The following P2RX7 variants were observed in gnomAD, a reference collection of about 807,000 sequenced individuals.
P2RX7 encodes P2X purinoceptor 7.
P2RX7 carries 62 observed loss-of-function variants against 71.6 expected under a neutral mutation model. The ratio of observed to expected loss-of-function variants is 0.87; its 90% CI spans 0.71 to 1.07. P2RX7 has a LOEUF of 1.07. Ranked by LOEUF, P2RX7 falls within the 50% of genes least tolerant of loss-of-function variation. The pLI, the probability that P2RX7 is intolerant of heterozygous loss-of-function variation, is 0.00. For synonymous variants in P2RX7, 299 were observed against 283.3 expected (o/e 1.06, Z -0.56); for missense variants, 686 against 748.5 (o/e 0.92, Z 0.97).
chr12:121,146,301 T>C (rs937923040), intron 1 of P2RX7, among the ~76,000 whole-genome samples: 7 of 137,670 alleles, frequency 5.1e-5, no homozygotes, highest in Admixed American at 5.1e-4. Context: ...TTTTTTTTTT[T>C]TTTTTTTTTT....
chr12:121,166,271 G>A, intron 7 of P2RX7, 84 bp downstream of exon 7: 10 of 1,433,786 alleles, frequency 7.0e-6, no homozygotes, highest in South Asian at 2.6e-5. Flanking sequence ...CGGGCCACTG[G>A]GTCTTCATAA....
rs920718222 is a variant in P2RX7 at position 121,177,575 on chromosome 12, G to C, written c.1188+129G>C. The stretch of plus-strand genomic sequence containing the variant: ...TGGATACGTCGCTGGGTTCTACCCC[G>C]ATCAACCAACTCTCAGATAAATTTT... On this transcript the variant is annotated intron_variant, in intron 11 of 12. Coordinates refer to ENST00000328963, the MANE Select transcript of P2RX7 (RefSeq NM_002562.6). The C allele has an allele frequency of 2.1e-5, 18 of 840,002 alleles. No individual in the cohort carries two copies. In the Admixed American group the frequency reaches 4.9e-4, roughly 23 times the overall value. The allele number at this position is 840,002 out of a possible 1,614,324, so 52.0% of individuals were successfully genotyped here.
In P2RX7 at chr12:121,154,751, C is replaced by A; in HGVS notation, c.126-34C>A. 1 of 1,448,378 alleles carries A rather than the reference C, an allele frequency of 6.9e-7. No homozygotes were observed. Among genetic ancestry groups the A allele is most frequent in the Non-Finnish European group, 9.7e-7 (1 of 1,028,714 alleles). The allele number at this position is 1,448,378 out of a possible 1,614,324, so 89.7% of individuals were successfully genotyped here. A position where few individuals can be genotyped will look rare whatever the true frequency, so the allele number is the denominator to read the frequency against. On this transcript the variant is annotated intron_variant, in intron 1 of 12. Coordinates refer to ENST00000328963, the MANE Select transcript of P2RX7 (RefSeq NM_002562.6). This position sits in a 1 kb window ranked among gnomAD's most constrained non-coding sequence, Gnocchi z 4.2. ...TGCATCCCAACCCGCTGTGCTATGC[C>A]TCCCGTTGATGCTTTCCCATGTCTG...
chr12:121,181,323 T>G (rs1012721842), intron 12 of P2RX7, among the ~76,000 whole-genome samples: 1 of 152,194 alleles, frequency 6.6e-6, no homozygotes, highest in Non-Finnish European at 1.5e-5. Context: ...GACATTTGGG[T>G]AGTGTCCAGT....
intron 8 of P2RX7, among the ~76,000 whole-genome samples, chr12:121,170,218 G>A (rs992792234): frequency 3.9e-5 from 6 of 152,296 alleles, no homozygotes; most frequent in South Asian, 2.1e-4. Flanking sequence ...ATTAAGAAGA[G>A]AGGACAGGAT....
At position 121,149,453 on chromosome 12, in the gene P2RX7, G is replaced by T. The variant is rs775003017; in HGVS notation, c.126-5332G>T. Among the ~76,000 whole-genome samples the T allele has an allele frequency of 1.3e-5, 2 of 152,272 alleles. No homozygotes were observed. The highest frequency in any genetic ancestry group is 2.9e-5 in the Non-Finnish European group (2 of 68,014). ...TCACAATCATGGCAGAGGGCGAAAG[G>T]CATGTCTTACATGGTGGCAGGCAAA... is the stretch of plus-strand genomic sequence containing the variant. On this transcript the variant is annotated intron_variant, in intron 1 of 12. Transcript: ENST00000328963. This position sits in a 1 kb window ranked among gnomAD's most constrained non-coding sequence, Gnocchi z 4.7.
chr12:121,155,053 G>T, intron 2 of P2RX7, 100 bp downstream of exon 2: 1 of 1,537,768 alleles, frequency 6.5e-7, no homozygotes, highest in Non-Finnish European at 8.8e-7. Context: ...CAGAAAAAAC[G>T]CTGGTCCTAT....
intron 12 of P2RX7, among the ~76,000 whole-genome samples, chr12:121,184,092 A>T (rs982104754): frequency 1.3e-5 from 2 of 152,104 alleles, no homozygotes. Context: ...CTGTAAAATA[A>T]AGACAAGGAT....
In P2RX7 at chr12:121,167,618, A is replaced by G; in HGVS notation, c.875A>G (p.Asn292Ser). 6.3e-7 allele frequency: 1 copy of G among 1,576,876 alleles called. No individual in the cohort carries two copies. The highest frequency in any genetic ancestry group is 2.3e-5 in the East Asian group (1 of 43,072). ...AACGTGTCCTTGTACCCTGGCTACA[A>G]CTTCAGGTAACTCCAAGGCCCAGGT... ...TTNVSLYPGY[N>S]FRYAKYYKEN... Residue 292 changes from asparagine to serine, a missense_variant, in exon 8 of 13, where the codon AAC becomes AGC. By Grantham distance (46) the Asn-to-Ser change is conservative. Coordinates refer to ENST00000328963, the MANE Select transcript of P2RX7 (RefSeq NM_002562.6).
chr12:121,146,816 C>T (rs1250774736), intron 1 of P2RX7, among the ~76,000 whole-genome samples: 1 of 152,190 alleles, frequency 6.6e-6, no homozygotes, highest in Non-Finnish European at 1.5e-5. Context: ...AGGAGCACAG[C>T]CTGAGTGCAT....
At chr12:121,137,222 G>A (rs953722081) in intron 1 of P2RX7, among the ~76,000 whole-genome samples, 25 of 152,118 alleles carry the variant, frequency 1.6e-4, no homozygotes, top group African/African-American at 5.6e-4. Context: ...CTGTTCCCAC[G>A]TGCTTTTTAG....
intron 11 of P2RX7, among the ~76,000 whole-genome samples, chr12:121,178,625 C>G (rs1419022643): frequency 2.6e-5 from 4 of 151,976 alleles, no homozygotes; most frequent in African/African-American, 9.7e-5. Flanking sequence ...AACCCCATCT[C>G]TACTAAAAAT....
At chr12:121,168,196 C>T (rs1881499017) in intron 8 of P2RX7, among the ~76,000 whole-genome samples, 1 of 152,072 alleles carries the variant, frequency 6.6e-6, no homozygotes, top group African/African-American at 2.4e-5. Flanking sequence ...GTAACCATCA[C>T]ATTAATGATC....
intron 3 of P2RX7, among the ~76,000 whole-genome samples, chr12:121,158,027 CTT>C (rs1040797648): frequency 6.6e-6 from 1 of 152,146 alleles, no homozygotes; most frequent in Admixed American, 6.6e-5. Flanking sequence ...ACATGTGACT[CTT>C]TGGGATTTTA....
intron 5 of P2RX7, among the ~76,000 whole-genome samples, chr12:121,163,356 A>G (rs76364995): frequency 0.25 from 22,729 of 90,776 alleles, 1,722 homozygotes; most frequent in Non-Finnish European, 0.28. Flanking sequence ...ACACACACAC[A>G]CGCACACACA....
At chr12:121,139,237 C>T (rs1019544387) in intron 1 of P2RX7, among the ~76,000 whole-genome samples, 2 of 152,176 alleles carry the variant, frequency 1.3e-5, no homozygotes, top group African/African-American at 2.4e-5. Context: ...CCACCGCACC[C>T]GGCTGGATAA....
rs1352106751 is a variant in P2RX7, at chr12:121,162,445, T to C, written c.458T>C (p.Val153Ala). The change falls in exon 5 of 13, where the codon GTA (valine) becomes GCA (alanine). Residue 153 changes from valine to alanine, a missense_variant. Physicochemically the swap from Val to Ala is moderately conservative, Grantham distance 64 (BLOSUM62 0). Transcript: ENST00000328963. ...ATAGGAATTCAGACCGGAAGGTGTG[T>C]AGTGTATGAAGGGAACCAGAAGACC... ...QSKGIQTGRC[V>A]VYEGNQKTCE... 19 of 1,613,866 alleles carry C rather than the reference T, an allele frequency of 1.2e-5. No individual in the cohort carries two copies. Among genetic ancestry groups the C allele is most frequent in the Non-Finnish European group, 1.5e-5 (18 of 1,179,922 alleles).
chr12:121,169,398 G>A (rs1199089719), intron 8 of P2RX7, among the ~76,000 whole-genome samples: 2 of 151,952 alleles, frequency 1.3e-5, no homozygotes, highest in African/African-American at 4.8e-5. Flanking sequence ...CTTTCATACC[G>A]ACCTATTATC....
At chr12:121,136,651 T>TC (rs1374625740) in intron 1 of P2RX7, among the ~76,000 whole-genome samples, 1 of 145,996 alleles carries the variant, frequency 6.8e-6, no homozygotes, top group East Asian at 2.1e-4. Context: ...TTCTTTCTTT[T>TC]TTTTTTTTTT....
Sources: gnomAD v4.1 joint callset for allele counts (sites outside exome capture counted in the v4.1 genomes callset) on GRCh38, gnomAD v4.1.1 for gene constraint, Gnocchi (gnomAD v3.1) non-coding constraint, MANE v1.5 for transcripts, NCBI Gene and HGNC (gene_info 2026-07-23, HGNC 2026-07-21) for gene names.